The following PTPRK variants were observed in gnomAD, a reference collection of about 807,000 sequenced individuals.
The protein encoded by PTPRK is receptor-type tyrosine-protein phosphatase kappa.
In PTPRK, 75 loss-of-function variants were observed where a neutral mutation model predicts 178.0. The ratio of observed to expected loss-of-function variants is 0.42; its 90% confidence interval spans 0.35 to 0.51. PTPRK has a LOEUF of 0.51. PTPRK is among the 20% of genes least tolerant of loss of function. The pLI is 0.02. For synonymous variants in PTPRK, 637 were observed against 620.6 expected, an observed-to-expected ratio of 1.03 and a Z score of -0.39; for missense variants, 1,441 against 1,797.8, an observed-to-expected ratio of 0.80 and a Z score of 3.59.
At chr6:128,156,371 G>T (rs1011678979) in intron 7 of PTPRK, among the ~76,000 whole-genome samples, 2 of 151,842 alleles carry the variant, frequency 1.3e-5, no homozygotes, top group African/African-American at 4.8e-5. Flanking sequence ...GAGGTTTAAT[G>T]GACTCACAGT....
chr6:128,491,898 GAAGAATACTTGGC>G, intron 1 of PTPRK: 1 of 469,260 alleles, frequency 2.1e-6, no homozygotes, highest in Non-Finnish European at 4.3e-6. Flanking sequence ...TTCACGGCAG[GAAGAATACTTGGC>G]AATGAAACTT....
chr6:128,497,453 T>C (rs1854850730), intron 1 of PTPRK, among the ~76,000 whole-genome samples: 1 of 152,110 alleles, frequency 6.6e-6, no homozygotes, highest in Non-Finnish European at 1.5e-5. Context: ...TTAATAATAA[T>C]AATAATTTGA....
At chr6:128,159,243 A>G (rs1798350067) in intron 7 of PTPRK, among the ~76,000 whole-genome samples, 1 of 151,896 alleles carries the variant, frequency 6.6e-6, no homozygotes, top group Non-Finnish European at 1.5e-5. Flanking sequence ...TTTCATCTAC[A>G]TGAATAATTC....
At chr6:128,280,461 C>T (rs1029434842) in intron 3 of PTPRK, among the ~76,000 whole-genome samples, 26 of 152,146 alleles carry the variant, frequency 1.7e-4, no homozygotes, top group South Asian at 4.1e-4. Context: ...ATACTATTAT[C>T]TAATAACACA....
chr6:128,348,830 T>C (rs138391124), intron 2 of PTPRK, among the ~76,000 whole-genome samples: 20 of 152,158 alleles, frequency 1.3e-4, no homozygotes, highest in African/African-American at 4.6e-4. Context: ...AAACTTCCTG[T>C]TGAACACTGA....
At chr6:128,084,930 A>T (rs1056508939) in intron 8 of PTPRK, 20 of 152,186 alleles carry the variant, frequency 1.3e-4, no homozygotes, top group Admixed American at 1.3e-3. Context: ...CATTATCCAG[A>T]AATGTAGTTT....
chr6:128,042,154 G>A (rs751779278), intron 13 of PTPRK, among the ~76,000 whole-genome samples: 9 of 151,916 alleles, frequency 5.9e-5, no homozygotes, highest in South Asian at 2.1e-4. Flanking sequence ...CCTAGGCCGC[G>A]TATCATATGC....
intron 1 of PTPRK, among the ~76,000 whole-genome samples, chr6:128,398,627 T>C (rs1840648273): frequency 1.3e-5 from 2 of 152,220 alleles, no homozygotes; most frequent in Admixed American, 6.5e-5. Flanking sequence ...TGAAATCTCA[T>C]AATAGCCAAT....
chr6:128,400,577 G>A (rs558982663), intron 1 of PTPRK, among the ~76,000 whole-genome samples: 30 of 152,248 alleles, frequency 2.0e-4, no homozygotes, highest in African/African-American at 7.2e-4. Context: ...CCCATGTTGA[G>A]TTAAAAGAGG....
intron 14 of PTPRK, among the ~76,000 whole-genome samples, chr6:128,007,332 G>A (rs1778553779): frequency 6.6e-6 from 1 of 150,832 alleles, no homozygotes; most frequent in Non-Finnish European, 1.5e-5. Context: ...CTTTAAAAGT[G>A]CAGCTTTTCC....
intron 7 of PTPRK, among the ~76,000 whole-genome samples, chr6:128,115,373 C>G (rs1321148821): frequency 6.6e-6 from 1 of 151,796 alleles, no homozygotes; most frequent in East Asian, 1.9e-4. Flanking sequence ...AAGTGCTCAC[C>G]CTTTCTCCAC....
chr6:128,497,790 TC>T (rs1854932302), intron 1 of PTPRK, among the ~76,000 whole-genome samples: 1 of 151,928 alleles, frequency 6.6e-6, no homozygotes, highest in Non-Finnish European at 1.5e-5. Context: ...TTTTTTTTTT[TC>T]CTTTCTATTA....
intron 7 of PTPRK, among the ~76,000 whole-genome samples, chr6:128,153,041 A>G (rs1303674496): frequency 6.6e-6 from 1 of 151,982 alleles, no homozygotes; most frequent in Non-Finnish European, 1.5e-5. Flanking sequence ...CCACCTCTCT[A>G]CAACTGAGAA....
chr6:128,240,283 G>A (rs1814168457), intron 4 of PTPRK, 133 bp from the exon 5 acceptor site: 1 of 667,362 alleles, frequency 1.5e-6, no homozygotes, highest in Middle Eastern at 3.8e-4. Context: ...GAAGAAAACT[G>A]AGGGGCTTTT....
At chr6:127,999,769 A>G (rs1004590933) in intron 15 of PTPRK, among the ~76,000 whole-genome samples, 7 of 152,062 alleles carry the variant, frequency 4.6e-5, no homozygotes, top group Admixed American at 1.3e-4. Context: ...CTGAACACCC[A>G]GTACAGAGAC....
chr6:128,121,125 T>C (rs1792391531), intron 7 of PTPRK, among the ~76,000 whole-genome samples: 1 of 151,980 alleles, frequency 6.6e-6, no homozygotes, highest in African/African-American at 2.4e-5. Context: ...TATTACTATG[T>C]AAAACTACAA....
At chr6:128,480,607 A>C (rs1851955068) in intron 1 of PTPRK, among the ~76,000 whole-genome samples, 1 of 152,202 alleles carries the variant, frequency 6.6e-6, no homozygotes, top group Non-Finnish European at 1.5e-5. Flanking sequence ...CTGAATTGAC[A>C]GAATAACCTC....
At chr6:128,415,863 T>C (rs948771987) in intron 1 of PTPRK, among the ~76,000 whole-genome samples, 1 of 152,106 alleles carries the variant, frequency 6.6e-6, no homozygotes, top group African/African-American at 2.4e-5. Flanking sequence ...TAAAAAAAAA[T>C]TCCATTCCTA....
chr6:128,365,536 T>A (rs578095705), intron 2 of PTPRK, among the ~76,000 whole-genome samples: 1 of 152,234 alleles, frequency 6.6e-6, no homozygotes, highest in Admixed American at 6.5e-5. Context: ...GGAGGTGGTA[T>A]TACTTTTTCT....
Sources: allele counts gnomAD v4.1 joint callset (sites outside exome capture counted in the v4.1 genomes callset), GRCh38; gene constraint gnomAD v4.1.1; transcripts MANE v1.5; gene names NCBI Gene and HGNC (gene_info 2026-07-23, HGNC 2026-07-21).